NFIA: variants seen among roughly 807,000 people sequenced by gnomAD.
NFIA encodes nuclear factor I A, also known as nuclear factor 1 A-type.
In NFIA, 8 loss-of-function variants were observed where a neutral mutation model predicts 62.8. The ratio of observed to expected loss-of-function variants is 0.13; its 90% CI spans 0.07 to 0.23. NFIA has a LOEUF of 0.23. NFIA is among the 10% of genes least tolerant of loss of function. The probability of loss-of-function intolerance (pLI) is 1.00; values close to 1 mark genes in which losing one functional copy is unlikely to be tolerated. For synonymous variants in NFIA, 235 were observed against 238.1 expected, an observed-to-expected ratio of 0.99 and a Z score of 0.12; for missense variants, 410 against 642.1, an observed-to-expected ratio of 0.64 and a Z score of 3.91.
intron 2 of NFIA, among the ~76,000 whole-genome samples, chr1:61,167,410 T>G (rs896298401): frequency 6.6e-6 from 1 of 152,216 alleles, no homozygotes; most frequent in Admixed American, 6.5e-5. Context: ...CTATTAAAAT[T>G]TGCTATCTTG....
intron 2 of NFIA, among the ~76,000 whole-genome samples, chr1:61,171,846 G>GA (rs1430174638): frequency 6.6e-6 from 1 of 152,186 alleles, no homozygotes; most frequent in African/African-American, 2.4e-5. Context: ...TTTGGTCCTT[G>GA]AAAAACGGGA....
At chr1:61,220,931 A>G (rs1275761033) in intron 2 of NFIA, among the ~76,000 whole-genome samples, 2 of 152,206 alleles carry the variant, frequency 1.3e-5, no homozygotes, top group African/African-American at 4.8e-5. Context: ...AAATATTCTC[A>G]TCCCTTTCCA....
intron 4 of NFIA, among the ~76,000 whole-genome samples, chr1:61,345,177 G>A (rs142934721): frequency 1.3e-5 from 2 of 152,278 alleles, no homozygotes; most frequent in South Asian, 2.1e-4. Context: ...AAAACTCCTC[G>A]ATAGAGCAAA....
intron 4 of NFIA, among the ~76,000 whole-genome samples, chr1:61,347,845 A>G (rs966222140): frequency 9.9e-5 from 15 of 152,208 alleles, no homozygotes; most frequent in African/African-American, 3.1e-4. Context: ...GCGCAGTAAG[A>G]AAAGCCCAGG....
chr1:61,334,587 ATATATAT>A (rs1661496616), intron 4 of NFIA, among the ~76,000 whole-genome samples: 1 of 99,610 alleles, frequency 1.0e-5, no homozygotes, highest in Non-Finnish European at 2.1e-5. Flanking sequence ...ATATATATAT[ATATATAT>A]ATATATATAT....
chr1:61,338,369 C>A (rs1661728474), intron 4 of NFIA, among the ~76,000 whole-genome samples: 1 of 152,246 alleles, frequency 6.6e-6, no homozygotes. Context: ...TGGAACCAGG[C>A]ATATGCCTCA....
chr1:61,077,578 AT>A (rs1646047400), upstream of NFIA: 2 of 1,350,962 alleles, frequency 1.5e-6, no homozygotes, highest in Admixed American at 2.9e-5. Flanking sequence ...AAATGAAGCA[AT>A]TCGTCTGAGC....
chr1:61,144,802 G>A (rs1209521671), intron 2 of NFIA, among the ~76,000 whole-genome samples: 2 of 152,164 alleles, frequency 1.3e-5, no homozygotes, highest in Non-Finnish European at 2.9e-5. Flanking sequence ...GAAAGAATGG[G>A]TAGATGTTTA....
chr1:61,136,383 T>C (rs1303590535), intron 2 of NFIA, among the ~76,000 whole-genome samples: 1 of 152,194 alleles, frequency 6.6e-6, no homozygotes, highest in Non-Finnish European at 1.5e-5. Flanking sequence ...AATGATGAAA[T>C]GGTGCTCCCT....
chr1:61,402,902 A>T (rs981732881), intron 7 of NFIA, among the ~76,000 whole-genome samples: 1 of 152,186 alleles, frequency 6.6e-6, no homozygotes, highest in Non-Finnish European at 1.5e-5. Flanking sequence ...TCATGAGGAG[A>T]TCCCGGTAGG....
At chr1:61,170,028 G>T (rs1649847816) in intron 2 of NFIA, among the ~76,000 whole-genome samples, 1 of 152,250 alleles carries the variant, frequency 6.6e-6, no homozygotes, top group East Asian at 1.9e-4. Context: ...TGTAGTCGTT[G>T]GGCATTTGTT....
At chr1:61,105,150 G>A (rs1646573871) in intron 2 of NFIA, among the ~76,000 whole-genome samples, 1 of 151,918 alleles carries the variant, frequency 6.6e-6, no homozygotes. Context: ...GCAATTCCAT[G>A]TTTCTGAAGT....
intron 3 of NFIA, among the ~76,000 whole-genome samples, chr1:61,314,402 T>C (rs1660265147): frequency 6.6e-6 from 1 of 152,206 alleles, no homozygotes; most frequent in Non-Finnish European, 1.5e-5. Context: ...GGTAAATTAT[T>C]GAAAGTTTAA....
At position 61,295,119 on chromosome 1, in the gene NFIA, A is replaced by C. The variant is rs185458544; in HGVS notation, c.625+17534A>C. Among the ~76,000 whole-genome samples the C allele has an allele frequency of 1.5e-4, 23 of 152,304 alleles. No individual in the cohort carries two copies. In the East Asian group the frequency reaches 1.5e-3, roughly 10 times the overall value. The stretch of plus-strand genomic sequence containing the variant: ...GGCTCCACATCTGGGTCTTCCGTCT[A>C]CGTCACCACCACCATCCTCATATGC... On this transcript the variant is annotated intron_variant, in intron 3 of 10. Coordinates refer to ENST00000403491, the MANE Select transcript of NFIA (RefSeq NM_001134673.4).
intron 10 of NFIA, among the ~76,000 whole-genome samples, chr1:61,437,458 C>T (rs1219157239): frequency 1.3e-5 from 2 of 152,062 alleles, no homozygotes; most frequent in African/African-American, 4.8e-5. Context: ...ATTCCTAGCT[C>T]ATCTCTCCCA....
intron 9 of NFIA, among the ~76,000 whole-genome samples, chr1:61,423,817 C>T (rs1164985163): frequency 6.6e-6 from 1 of 152,090 alleles, no homozygotes; most frequent in Non-Finnish European, 1.5e-5. Context: ...AACTGCCCTG[C>T]TAGAATAATG....
chr1:61,256,385 A>G (rs532955475), intron 2 of NFIA, among the ~76,000 whole-genome samples: 5 of 149,780 alleles, frequency 3.3e-5, no homozygotes, highest in South Asian at 4.2e-4. Context: ...GCAGTGAGCC[A>G]AGATCGCACC....
intron 2 of NFIA, among the ~76,000 whole-genome samples, chr1:61,236,579 A>G (rs1655028729): frequency 6.6e-6 from 1 of 152,156 alleles, no homozygotes; most frequent in Non-Finnish European, 1.5e-5. Flanking sequence ...ACTTTGGCCT[A>G]ATAGTATTAC....
At chr1:61,307,018 GGGT>G (rs553145236) in intron 3 of NFIA, among the ~76,000 whole-genome samples, 6 of 152,242 alleles carry the variant, frequency 3.9e-5, no homozygotes, top group Non-Finnish European at 7.4e-5. Flanking sequence ...AGAAAGTATT[GGGT>G]TGGTGAATGC....
Sources: allele counts gnomAD v4.1 joint callset (sites outside exome capture counted in the v4.1 genomes callset), GRCh38; gene constraint gnomAD v4.1.1; transcripts MANE v1.5; gene names NCBI Gene and HGNC (gene_info 2026-07-23, HGNC 2026-07-21).